BNC2: variants seen among roughly 807,000 people sequenced by gnomAD.
BNC2 encodes zinc finger protein basonuclin-2.
BNC2 carries 20 observed loss-of-function variants against 76.3 expected under a neutral mutation model. The observed-to-expected ratio is 0.26, with a 90% confidence interval of 0.18 to 0.38. The LOEUF is 0.38. Ranked by LOEUF, BNC2 falls within the 10% of genes least tolerant of loss-of-function variation. The pLI is 1.00. For synonymous variants in BNC2, 582 were observed against 514.8 expected (o/e 1.13, Z -1.77); for missense variants, 1,382 against 1,399.8 (o/e 0.99, Z 0.20).
At chr9:16,723,786 T>C (rs760307681) in intron 3 of BNC2, among the ~76,000 whole-genome samples, 8 of 152,136 alleles carry the variant, frequency 5.3e-5, no homozygotes, top group Non-Finnish European at 1.0e-4. Context: ...TTTTTAGCTT[T>C]CTTGGTTTGC....
intron 3 of BNC2, among the ~76,000 whole-genome samples, chr9:16,616,003 T>C (rs879487279): frequency 2.3e-4 from 35 of 152,320 alleles, no homozygotes; most frequent in African/African-American, 4.8e-4. Context: ...AATGGTCACA[T>C]TTGTTCAATT....
chr9:16,580,583 A>G (rs1232257379), intron 4 of BNC2, among the ~76,000 whole-genome samples: 2 of 152,166 alleles, frequency 1.3e-5, no homozygotes, highest in African/African-American at 4.8e-5. Context: ...AAGAAGGAAA[A>G]AACATTGCTT....
At chr9:16,595,689 G>C (rs974043519) in intron 3 of BNC2, among the ~76,000 whole-genome samples, 1 of 151,974 alleles carries the variant, frequency 6.6e-6, no homozygotes, top group African/African-American at 2.4e-5. Context: ...GTGCTAGTAT[G>C]CTGAAAAAAA....
At chr9:16,546,717 T>C (rs1292731575) in intron 5 of BNC2, among the ~76,000 whole-genome samples, 5 of 152,188 alleles carry the variant, frequency 3.3e-5, no homozygotes, top group African/African-American at 7.2e-5. Context: ...CCACTGAATA[T>C]ACGAGATCTT....
chr9:16,565,819 A>G (rs1819150413), intron 4 of BNC2, among the ~76,000 whole-genome samples: 1 of 151,490 alleles, frequency 6.6e-6, no homozygotes, highest in Non-Finnish European at 1.5e-5. Context: ...AAAAAAAAAA[A>G]GCAACAAACA....
intron 3 of BNC2, among the ~76,000 whole-genome samples, chr9:16,593,283 T>C (rs986207598): frequency 2.6e-5 from 4 of 152,130 alleles, no homozygotes; most frequent in African/African-American, 9.7e-5. Context: ...TTTCTACAAC[T>C]GTGTGAATAT....
chr9:16,796,025 C>A (rs1385142815), intron 1 of BNC2, among the ~76,000 whole-genome samples: 1 of 152,188 alleles, frequency 6.6e-6, no homozygotes, highest in Non-Finnish European at 1.5e-5. Context: ...TTTACGCAGT[C>A]TCAAAGCTCT....
intron 5 of BNC2, among the ~76,000 whole-genome samples, chr9:16,472,663 C>CA (rs1821850520): frequency 6.6e-6 from 1 of 152,174 alleles, no homozygotes; most frequent in Admixed American, 6.5e-5. Flanking sequence ...CTTCTTTTTA[C>CA]ATCTCTTAGA....
rs1821807459 is a variant in BNC2, at chr9:16,651,997, T to TA, written c.331-68913dup. On this transcript the variant is annotated intron_variant, in intron 3 of 6. Coordinates refer to ENST00000380672, the MANE Select transcript of BNC2 (RefSeq NM_017637.6). ...ATTATTTTTCTTAGATGGTATTTCT[T>TA]ACACAGCATATGTGTTCCTCAGCTC... is the stretch of plus-strand genomic sequence containing the variant. Among the ~76,000 whole-genome samples the TA allele has an allele frequency of 4.6e-5, 7 of 152,340 alleles. No homozygotes were observed. The South Asian group carries it at 1.4e-3, about 32-fold the overall frequency.
At chr9:16,667,768 T>C (rs1822344361) in intron 3 of BNC2, among the ~76,000 whole-genome samples, 1 of 152,224 alleles carries the variant, frequency 6.6e-6, no homozygotes, top group Admixed American at 6.5e-5. Context: ...TTTGAGGACC[T>C]ACTATGTATG....
At chr9:16,851,744 A>C (rs1473952376) in intron 1 of BNC2, among the ~76,000 whole-genome samples, 6 of 152,192 alleles carry the variant, frequency 3.9e-5, no homozygotes, top group Non-Finnish European at 7.3e-5. Flanking sequence ...CTGAACTATT[A>C]AAAATGAAGG....
rs113894196 is a variant in BNC2 at position 16,678,191 on chromosome 9, T to C, written c.330+49606A>G. Among the ~76,000 whole-genome samples the C allele has an allele frequency of 8.0e-5, 12 of 150,028 alleles. 1 individual carries two copies. The highest frequency in any genetic ancestry group is 2.9e-4 in the African/African-American group (12 of 40,974). ...GACGAAGGGGTGAAGGGAGATAAAATATTTTTAGCAAAACAACTCTTGTCC... is the reference window on the plus strand; with the variant it reads ...GACGAAGGGGTGAAGGGAGATAAAACATTTTTAGCAAAACAACTCTTGTCC... On this transcript the variant is annotated intron_variant, in intron 3 of 6. Transcript: ENST00000380672.
At chr9:16,456,527 T>C (rs1159807773) in intron 5 of BNC2, among the ~76,000 whole-genome samples, 1 of 94,028 alleles carries the variant, frequency 1.1e-5, no homozygotes, top group African/African-American at 6.4e-5. Context: ...CAAGACTCCG[T>C]CTCAAAAAAA....
chr9:16,436,639 T>A lies in BNC2; in HGVS notation c.1555A>T (p.Thr519Ser). The stretch of plus-strand genomic sequence containing the variant: ...GATTTTGTACTTGCTATGACAGGGG[T>A]GGCAGCTCCTGAGGTGGCCCGAATT... ...DLIRATSGAA[T>S]PVIASTKSNL... The change falls in exon 6 of 7, where the codon ACC becomes TCC. Residue 519 changes from threonine (T) to serine (S), a missense_variant. By Grantham distance (58) the Thr-to-Ser change is moderately conservative. Transcript: ENST00000380672. 1.2e-6 allele frequency: 2 copies of A among 1,613,962 alleles called. No individual in the cohort carries two copies. Among genetic ancestry groups the A allele is most frequent in the Non-Finnish European group, 8.5e-7 (1 of 1,179,988 alleles).
intron 1 of BNC2, among the ~76,000 whole-genome samples, chr9:16,764,131 T>A (rs1160727637): frequency 6.6e-6 from 1 of 152,172 alleles, no homozygotes; most frequent in Non-Finnish European, 1.5e-5. Context: ...GGAACTTTAA[T>A]TTTTTTGGCC....
intron 1 of BNC2, among the ~76,000 whole-genome samples, chr9:16,812,629 A>C (rs1034736157): frequency 2.6e-5 from 4 of 152,160 alleles, no homozygotes; most frequent in Non-Finnish European, 5.9e-5. Context: ...AATGTGTGTG[A>C]CACATATTCC....
At chr9:16,766,074 A>T (rs1444926271) in intron 1 of BNC2, among the ~76,000 whole-genome samples, 3 of 152,224 alleles carry the variant, frequency 2.0e-5, no homozygotes, top group Non-Finnish European at 2.9e-5. Flanking sequence ...GGCGTGAGCC[A>T]CCGCGCCCGG....
chr9:16,723,680 G>C (rs571978852), intron 3 of BNC2, among the ~76,000 whole-genome samples: 3 of 152,092 alleles, frequency 2.0e-5, no homozygotes, highest in African/African-American at 7.2e-5. Context: ...TTCTCTGAAA[G>C]GTGCTAGATT....
intron 3 of BNC2, among the ~76,000 whole-genome samples, chr9:16,618,854 A>G (rs10117237): frequency 0.01 from 1,598 of 152,280 alleles, 20 homozygotes; most frequent in African/African-American, 0.035. Context: ...ACAGTCCTGA[A>G]GCTCTAAGAA....
Sources: allele counts gnomAD v4.1 joint callset (sites outside exome capture counted in the v4.1 genomes callset), GRCh38; gene constraint gnomAD v4.1.1; transcripts MANE v1.5; gene names NCBI Gene and HGNC (gene_info 2026-07-23, HGNC 2026-07-21).